LRRC4C: variants seen among roughly 807,000 people sequenced by gnomAD.
LRRC4C encodes leucine rich repeat containing 4C.
In LRRC4C, 5 loss-of-function variants were observed where a neutral mutation model predicts 33.6. The observed-to-expected ratio is 0.15, with a 90% CI of 0.08 to 0.31. The LOEUF is 0.31. Ranked by LOEUF, LRRC4C falls within the 10% of genes least tolerant of loss-of-function variation. The pLI is 1.00. For synonymous variants in LRRC4C, 329 were observed against 302.0 expected (o/e 1.09, Z -0.93); for missense variants, 560 against 796.7 (o/e 0.70, Z 3.58).
At chr11:40,420,246 C>A (rs1394573564) in intron 3 of LRRC4C, among the ~76,000 whole-genome samples, 1 of 152,180 alleles carries the variant, frequency 6.6e-6, no homozygotes, top group East Asian at 1.9e-4. Context: ...TCGATCACCA[C>A]AATTGTACTG....
intron 1 of LRRC4C, among the ~76,000 whole-genome samples, chr11:41,256,689 A>G (rs181250168): frequency 6.6e-6 from 1 of 152,138 alleles, no homozygotes; most frequent in African/African-American, 2.4e-5. Flanking sequence ...ACCACCTCTC[A>G]TATCATGCGT....
chr11:40,869,987 A>C (rs578011060), intron 2 of LRRC4C, among the ~76,000 whole-genome samples: 1 of 152,192 alleles, frequency 6.6e-6, no homozygotes, highest in African/African-American at 2.4e-5. Flanking sequence ...ACCTATACAG[A>C]TTTGCTGTTC....
chr11:40,974,056 G>A (rs369283068), intron 1 of LRRC4C, among the ~76,000 whole-genome samples: 1 of 152,022 alleles, frequency 6.6e-6, no homozygotes, highest in African/African-American at 2.4e-5. Flanking sequence ...CAACTGAGCT[G>A]CTATAAATGG....
At chr11:41,448,061 T>C (rs189111365) in intron 1 of LRRC4C, among the ~76,000 whole-genome samples, 80 of 151,216 alleles carry the variant, frequency 5.3e-4, no homozygotes, top group Admixed American at 1.8e-3. Flanking sequence ...CTCATTAGTG[T>C]AATTTAGTAA....
At chr11:41,104,135 GC>G (rs1941358518) in intron 1 of LRRC4C, among the ~76,000 whole-genome samples, 1 of 151,794 alleles carries the variant, frequency 6.6e-6, no homozygotes, top group Admixed American at 6.6e-5. Flanking sequence ...AATAACTTTT[GC>G]TTCTCAAAAG....
At chr11:41,088,951 T>C (rs1042986027) in intron 1 of LRRC4C, among the ~76,000 whole-genome samples, 1 of 152,056 alleles carries the variant, frequency 6.6e-6, no homozygotes, top group Non-Finnish European at 1.5e-5. Context: ...AAGAGATACA[T>C]AATATTCCCA....
At chr11:41,259,123 G>A (rs1306646257) in intron 1 of LRRC4C, among the ~76,000 whole-genome samples, 1 of 151,934 alleles carries the variant, frequency 6.6e-6, no homozygotes, top group African/African-American at 2.4e-5. Flanking sequence ...TGATTTTGTT[G>A]AGGGCAGTGA....
intron 4 of LRRC4C, among the ~76,000 whole-genome samples, chr11:40,312,524 A>C (rs558344419): frequency 2.0e-3 from 311 of 152,284 alleles, no homozygotes; most frequent in Admixed American, 2.5e-3. Flanking sequence ...TGATAAGTAG[A>C]CTGGGTTAAG....
intron 5 of LRRC4C, among the ~76,000 whole-genome samples, chr11:40,157,430 G>A (rs1012303399): frequency 2.0e-5 from 3 of 152,132 alleles, no homozygotes; most frequent in African/African-American, 7.2e-5. Context: ...AAACTAAAGA[G>A]CTTTTGTACA....
chr11:41,438,572 TG>T (rs1315741582), intron 1 of LRRC4C, among the ~76,000 whole-genome samples: 1 of 152,166 alleles, frequency 6.6e-6, no homozygotes, highest in African/African-American at 2.4e-5. Context: ...ATACTATCCC[TG>T]GAGCCCCTCT....
intron 3 of LRRC4C, among the ~76,000 whole-genome samples, chr11:40,345,061 A>G (rs1460965488): frequency 1.3e-5 from 2 of 152,178 alleles, no homozygotes; most frequent in Non-Finnish European, 2.9e-5. Context: ...CAATATTGTC[A>G]AACTGGCCAC....
At chr11:40,951,365 C>T (rs1438689883) in intron 1 of LRRC4C, among the ~76,000 whole-genome samples, 1 of 151,834 alleles carries the variant, frequency 6.6e-6, no homozygotes, top group Non-Finnish European at 1.5e-5. Flanking sequence ...ATGTGAACTG[C>T]CTGCTATTGT....
chr11:41,444,619 A>T lies in LRRC4C; in HGVS notation c.-496+14812T>A, dbSNP rs1008555389. On this transcript the variant is annotated intron_variant, in intron 1 of 6. Transcript: ENST00000528697. ...GCAAGCTTCTAGGTGACAGATCTCA[A>T]TGAGCGTTTAATAGTTGGTCTGCAT... 2.0e-5 allele frequency among the ~76,000 whole-genome samples: 3 copies of T among 152,184 alleles called. No individual in the cohort carries two copies. The East Asian group carries it at 5.8e-4, about 29-fold the overall frequency.
chr11:41,383,602 C>T (rs1419209655), intron 1 of LRRC4C, among the ~76,000 whole-genome samples: 1 of 151,744 alleles, frequency 6.6e-6, no homozygotes, highest in East Asian at 1.9e-4. Flanking sequence ...GATATAAAAG[C>T]ATGGAATGAT....
At chr11:40,971,147 G>C (rs1565256559) in intron 1 of LRRC4C, among the ~76,000 whole-genome samples, 1 of 152,226 alleles carries the variant, frequency 6.6e-6, no homozygotes, top group South Asian at 2.1e-4. Flanking sequence ...CATAAGTAAA[G>C]AGGAGCCAAA....
chr11:41,445,585 A>T (rs1955796548), intron 1 of LRRC4C, among the ~76,000 whole-genome samples: 1 of 152,096 alleles, frequency 6.6e-6, no homozygotes, highest in Non-Finnish European at 1.5e-5. Flanking sequence ...AAAAGTTCCC[A>T]GAAGGGTAAA....
chr11:40,987,779 C>G (rs61647522), intron 1 of LRRC4C, among the ~76,000 whole-genome samples: 3 of 150,584 alleles, frequency 2.0e-5, no homozygotes, highest in African/African-American at 4.9e-5. Flanking sequence ...TAGAAGCAAG[C>G]AAATATAATT....
intron 3 of LRRC4C, among the ~76,000 whole-genome samples, chr11:40,534,738 T>G (rs1215921171): frequency 6.6e-6 from 1 of 152,110 alleles, no homozygotes. Context: ...ACAAAAAGAG[T>G]GTTTGCAACC....
chr11:41,445,322 A>G (rs1955787025), intron 1 of LRRC4C, among the ~76,000 whole-genome samples: 1 of 152,182 alleles, frequency 6.6e-6, no homozygotes, highest in Non-Finnish European at 1.5e-5. Flanking sequence ...TTTCTCTCGC[A>G]TTTTAATTCT....
Sources: gnomAD v4.1 joint callset for allele counts (sites outside exome capture counted in the v4.1 genomes callset) on GRCh38, gnomAD v4.1.1 for gene constraint, MANE v1.5 for transcripts, NCBI Gene and HGNC (gene_info 2026-07-23, HGNC 2026-07-21) for gene names.